Variants in PAXIP1 observed in about 807,000 individuals in gnomAD.
PAXIP1 encodes the protein PAX interacting protein 1.
PAXIP1 carries 19 observed loss-of-function variants against 140.6 expected under a neutral mutation model. The ratio of observed to expected loss-of-function variants is 0.14; its 90% CI spans 0.09 to 0.20. PAXIP1 has a LOEUF of 0.20. PAXIP1 is among the 10% of genes least tolerant of loss of function. PAXIP1 has a pLI of 1.00. For missense variants in PAXIP1, 920 were observed against 1,208.6 expected (o/e 0.76, Z 3.54); for synonymous variants, 442 against 444.6 (o/e 0.99, Z 0.07).
At chr7:154,947,653 G>A (rs938929800) in intron 17 of PAXIP1, 2 of 408,868 alleles carry the variant, frequency 4.9e-6, no homozygotes, top group Non-Finnish European at 8.8e-6. Context: ...TCTCATAGAT[G>A]TATTTATTAA....
chr7:154,952,166 AT>A (rs1398895426), intron 16 of PAXIP1: 1 of 152,238 alleles, frequency 6.6e-6, no homozygotes, highest in African/African-American at 2.4e-5. Context: ...CAAAATTTCA[AT>A]TAAAAAAATT....
At chr7:154,962,239 G>T in intron 10 of PAXIP1, 82 bp downstream of exon 10, 2 of 1,474,918 alleles carry the variant, frequency 1.4e-6, no homozygotes, top group Non-Finnish European at 1.9e-6. Context: ...CAACGCAGGA[G>T]CCTCAGGTAA....
At chr7:154,955,489 C>G (rs1226301586) in intron 15 of PAXIP1, 40 bp downstream of exon 15, 2 of 1,180,966 alleles carry the variant, frequency 1.7e-6, no homozygotes, top group Admixed American at 3.5e-5. Flanking sequence ...CAAAAAAGGA[C>G]ACTGCTAAAA....
In PAXIP1 at chr7:154,975,805, G is replaced by C. The variant is rs191641012; in HGVS notation, c.965C>G (p.Ser322Cys). The C allele has an allele frequency of 2.6e-4, 417 of 1,613,914 alleles. No homozygotes were observed. Among genetic ancestry groups the C allele is most frequent in the Non-Finnish European group, 3.3e-4 (389 of 1,179,840 alleles). ...GGTAGCTATCATTTCTGATCTTTCA[G>C]AACTTTGGAGGTTTTGTCCAGCAGC... is the stretch of plus-strand genomic sequence containing the variant. ...LMAAGQNLQSSERSEMIATWS... is the reference protein window; with the variant it reads ...LMAAGQNLQSCERSEMIATWS... Residue 322 changes from serine to cysteine, a missense_variant, in exon 6 of 21, where the codon TCT becomes TGT. By Grantham distance (112) the Ser-to-Cys change is moderately radical. Coordinates refer to ENST00000404141, the MANE Select transcript of PAXIP1 (RefSeq NM_007349.4).
At chr7:154,996,875 A>C (rs1404440015) in intron 2 of PAXIP1, among the ~76,000 whole-genome samples, 2 of 152,154 alleles carry the variant, frequency 1.3e-5, no homozygotes. Flanking sequence ...TTTAAGAACT[A>C]CTTCTGGTAG....
intron 13 of PAXIP1, 33 bp from the exon 14 acceptor site, chr7:154,957,327 T>G (rs1290463419): frequency 8.3e-7 from 1 of 1,208,018 alleles, no homozygotes; most frequent in African/African-American, 1.5e-5. Context: ...TTTAATTCAA[T>G]CAATCTACTA....
intron 1 of PAXIP1, chr7:155,000,243 C>T (rs1221417928): frequency 6.6e-6 from 1 of 152,224 alleles, no homozygotes; most frequent in Non-Finnish European, 1.5e-5. Context: ...AGAGCAGAGG[C>T]TCAATATTTA....
At position 154,961,619 on chromosome 7, in the gene PAXIP1, A is replaced by C. The variant is rs1376677181; in HGVS notation, c.2157T>G (p.Ser719Arg). 6.2e-7 allele frequency: 1 copy of C among 1,602,444 alleles called. No individual in the cohort carries two copies. The highest frequency in any genetic ancestry group is 8.5e-7 in the Non-Finnish European group (1 of 1,173,668). The change falls in exon 11 of 21, where the codon AGT becomes AGG. Residue 719 changes from serine to arginine, a missense_variant. Coordinates refer to ENST00000404141, the MANE Select transcript of PAXIP1 (RefSeq NM_007349.4). Reference protein sequence around the residue: ...HIISVTGFVDSDRDDLKLMAY... With the variant: ...HIISVTGFVDRDRDDLKLMAY... ...CCATTAATTTTAGGTCATCTCTGTC[A>C]CTATCAACAAATCCAGTCACAGAAA... is the stretch of plus-strand genomic sequence containing the variant.
intron 6 of PAXIP1, chr7:154,974,744 T>C (rs1444619516): frequency 6.6e-6 from 1 of 152,184 alleles, no homozygotes; most frequent in African/African-American, 2.4e-5. Context: ...TCTACCTAAA[T>C]TAGTTTTCTT....
At chr7:154,961,393 A>G (rs1709093637) in intron 11 of PAXIP1, 134 bp downstream of exon 11, 2 of 687,726 alleles carry the variant, frequency 2.9e-6, no homozygotes, top group African/African-American at 3.6e-5. Context: ...TATCATTGTC[A>G]TACTTTAACA....
chr7:155,000,286 G>T (rs1333835702), intron 1 of PAXIP1: 1 of 152,190 alleles, frequency 6.6e-6, no homozygotes, highest in Non-Finnish European at 1.5e-5. Flanking sequence ...CTGGCCATGG[G>T]CCACTTTACC....
chr7:154,947,408 G>C (rs1011707678), intron 17 of PAXIP1: 1 of 154,844 alleles, frequency 6.5e-6, no homozygotes, highest in Non-Finnish European at 1.4e-5. Flanking sequence ...TTAGTTCTTT[G>C]GTACAAAAAA....
intron 2 of PAXIP1, among the ~76,000 whole-genome samples, chr7:154,997,772 A>G (rs1353413146): frequency 1.3e-5 from 2 of 152,242 alleles, no homozygotes; most frequent in African/African-American, 4.8e-5. Flanking sequence ...CCAGACGACC[A>G]GTGGGTAGAC....
intron 12 of PAXIP1, among the ~76,000 whole-genome samples, chr7:154,960,501 T>C (rs1219487298): frequency 6.6e-6 from 1 of 152,048 alleles, no homozygotes; most frequent in Non-Finnish European, 1.5e-5. Flanking sequence ...GCTCCTTCCA[T>C]CTCTAAGAGT....
rs373134295 is a variant in PAXIP1 at position 155,002,902 on chromosome 7, C to G, written c.28G>C (p.Glu10Gln). The change falls in exon 1 of 21, where the codon GAG (glutamate) becomes CAG (glutamine). Residue 10 changes from glutamate to glutamine, a missense_variant. Coordinates refer to ENST00000404141, the MANE Select transcript of PAXIP1 (RefSeq NM_007349.4). MSDQAPKVP[E>Q]EMFREVKYYA... ...TACTTGACCTCCCTGAACATCTCCTCAGGAACTTTGGGCGCCTGGTCCGAC... is the reference window on the plus strand; with the variant it reads ...TACTTGACCTCCCTGAACATCTCCTGAGGAACTTTGGGCGCCTGGTCCGAC... The G allele has an allele frequency of 4.3e-5, 60 of 1,387,218 alleles. No individual in the cohort carries two copies. Among genetic ancestry groups the G allele is most frequent in the Non-Finnish European group, 5.5e-5 (58 of 1,047,328 alleles). The allele number at this position is 1,387,218 out of a possible 1,614,324, so 85.9% of individuals were successfully genotyped here.
intron 4 of PAXIP1, among the ~76,000 whole-genome samples, chr7:154,987,413 C>T (rs915155127): frequency 2.0e-5 from 3 of 152,112 alleles, no homozygotes; most frequent in African/African-American, 4.8e-5. Flanking sequence ...CTAAAAATAA[C>T]GTCCTCCTCC....
At chr7:154,961,178 A>AT in intron 11 of PAXIP1, 101 bp from the exon 12 acceptor site, 3 of 999,118 alleles carry the variant, frequency 3.0e-6, no homozygotes, top group Non-Finnish European at 4.3e-6. Context: ...AAAATTTCTC[A>AT]TAATAGAAGT....
At chr7:155,000,912 T>C (rs896621830) in intron 1 of PAXIP1, 1 of 152,224 alleles carries the variant, frequency 6.6e-6, no homozygotes, top group Non-Finnish European at 1.5e-5. Flanking sequence ...GACATTTCAG[T>C]GGTGTCTACT....
At position 154,944,109 on chromosome 7, in the gene PAXIP1, C is replaced by G; in HGVS notation, c.*40G>C. 1.2e-6 allele frequency: 2 copies of G among 1,609,448 alleles called. No individual in the cohort carries two copies. Among genetic ancestry groups the G allele is most frequent in the Non-Finnish European group, 1.7e-6 (2 of 1,176,934 alleles). On this transcript the variant is annotated 3_prime_UTR_variant, in exon 21 of 21. Coordinates refer to ENST00000404141, the MANE Select transcript of PAXIP1 (RefSeq NM_007349.4). ...TCCTCGCCAGCCAGACAGCCAGCCCCGCACCGCAGGAGTCGACATGCACGG... is the reference window on the plus strand; with the variant it reads ...TCCTCGCCAGCCAGACAGCCAGCCCGGCACCGCAGGAGTCGACATGCACGG...
Sources: gnomAD v4.1 joint callset for allele counts (sites outside exome capture counted in the v4.1 genomes callset) on GRCh38, gnomAD v4.1.1 for gene constraint, MANE v1.5 for transcripts, NCBI Gene and HGNC (gene_info 2026-07-23, HGNC 2026-07-21) for gene names.